CYFIP2: variants seen among roughly 807,000 people sequenced by gnomAD.
The protein encoded by CYFIP2 is cytoplasmic FMR1-interacting protein 2.
In CYFIP2, 29 loss-of-function variants were observed where a neutral mutation model predicts 158.7. That is an observed-to-expected ratio of 0.18 (90% CI 0.14 to 0.25). The LOEUF is 0.25. CYFIP2 is among the 10% of genes least tolerant of loss of function. The pLI, the probability that CYFIP2 is intolerant of heterozygous loss-of-function variation, is 1.00. For missense variants in CYFIP2, 852 were observed against 1,639.5 expected (o/e 0.52, Z 8.29); for synonymous variants, 585 against 617.6 (o/e 0.95, Z 0.78).
intron 7 of CYFIP2, chr5:157,303,099 C>T (rs1758915669): frequency 1.2e-5 from 6 of 509,928 alleles, no homozygotes; most frequent in Non-Finnish European, 1.8e-5. Context: ...TTGTCATGCT[C>T]GTGAAGCCCT....
chr5:157,377,850 A>T (rs1765638061), intron 26 of CYFIP2, among the ~76,000 whole-genome samples: 1 of 152,214 alleles, frequency 6.6e-6, no homozygotes, highest in Admixed American at 6.5e-5. Flanking sequence ...CCTCAAGAAG[A>T]TTCTCAATCA....
intron 5 of CYFIP2, among the ~76,000 whole-genome samples, chr5:157,299,945 A>G (rs1307270462): frequency 6.6e-6 from 1 of 152,158 alleles, no homozygotes; most frequent in Non-Finnish European, 1.5e-5. Context: ...AAATTCCTGA[A>G]GGCAGAATTT....
At chr5:157,336,062 G>A (rs6875509) in intron 21 of CYFIP2, among the ~76,000 whole-genome samples, 31,307 of 152,004 alleles carry the variant, frequency 0.21, 3,458 homozygotes, top group Middle Eastern at 0.26. Context: ...AGCGCTCTCC[G>A]ATGGGTCTGG....
At chr5:157,336,292 G>A (rs1235277003) in intron 21 of CYFIP2, among the ~76,000 whole-genome samples, 1 of 152,242 alleles carries the variant, frequency 6.6e-6, no homozygotes, top group East Asian at 1.9e-4. Context: ...CGATGCTGAA[G>A]TTGAGAACGG....
intron 28 of CYFIP2, chr5:157,384,276 C>CA (rs1766423765): frequency 2.2e-6 from 1 of 456,624 alleles, no homozygotes; most frequent in Admixed American, 2.4e-5. Flanking sequence ...AGCGGAGAAA[C>CA]AAAAGGCATG....
chr5:157,308,951 T>C (rs543057768), intron 9 of CYFIP2, among the ~76,000 whole-genome samples: 5 of 152,142 alleles, frequency 3.3e-5, no homozygotes, highest in Non-Finnish European at 7.4e-5. Context: ...GTTCCAAGTC[T>C]GAAAAATATG....
At position 157,324,093 on chromosome 5, in the gene CYFIP2, C is replaced by T. The variant is rs749276069; in HGVS notation, c.1825+19C>T. The T allele has an allele frequency of 6.3e-7, 1 of 1,598,276 alleles. No homozygotes were observed. The highest frequency in any genetic ancestry group is 8.5e-7 in the Non-Finnish European group (1 of 1,170,198). On this transcript the variant is annotated intron_variant, in intron 16 of 30. Transcript: ENST00000620254. ...ATCAGTGGTGAGCTGCATCCCATCCCTGCTAAGGCATGGGAGGAGGGGATG... is the reference window on the plus strand; with the variant it reads ...ATCAGTGGTGAGCTGCATCCCATCCTTGCTAAGGCATGGGAGGAGGGGATG...
intron 14 of CYFIP2, among the ~76,000 whole-genome samples, chr5:157,320,234 A>T (rs548662003): frequency 1.1e-4 from 17 of 152,368 alleles, no homozygotes; most frequent in African/African-American, 3.8e-4. Flanking sequence ...GAGATGGTCC[A>T]TATATAGACC....
intron 1 of CYFIP2, chr5:157,271,646 T>A (rs549800697): frequency 4.7e-4 from 72 of 152,328 alleles, no homozygotes; most frequent in African/African-American, 1.6e-3. Context: ...GGTTTGGACA[T>A]CATGGTTGAG....
At chr5:157,323,023 C>A (rs1213325613) in intron 15 of CYFIP2, 1 of 1,536,032 alleles carries the variant, frequency 6.5e-7, no homozygotes, top group Non-Finnish European at 8.7e-7. Context: ...CCTGGTATCA[C>A]ACCGCCTGGC....
chr5:157,343,780 A>G (rs1294136996), intron 23 of CYFIP2, among the ~76,000 whole-genome samples: 1 of 152,194 alleles, frequency 6.6e-6, no homozygotes, highest in Admixed American at 6.5e-5. Context: ...AGATGCACCC[A>G]TGCAATCCCA....
At chr5:157,387,128 C>T (rs749800452) in intron 28 of CYFIP2, among the ~76,000 whole-genome samples, 8 of 152,090 alleles carry the variant, frequency 5.3e-5, no homozygotes, top group Non-Finnish European at 1.2e-4. Context: ...TAATATGACT[C>T]AAATTGTTAA....
At chr5:157,364,266 A>T (rs1764158018) in intron 26 of CYFIP2, 1 of 149,956 alleles carries the variant, frequency 6.7e-6, no homozygotes, top group Non-Finnish European at 1.5e-5. Context: ...ACCTCTTTTC[A>T]TGAGGAACTG....
chr5:157,301,125 A>G (rs1309517849), intron 6 of CYFIP2, among the ~76,000 whole-genome samples: 1 of 152,194 alleles, frequency 6.6e-6, no homozygotes, highest in African/African-American at 2.4e-5. Context: ...ATATCTCAAG[A>G]TGGAATCAAA....
intron 5 of CYFIP2, among the ~76,000 whole-genome samples, chr5:157,299,241 C>T (rs935815527): frequency 2.6e-5 from 4 of 152,102 alleles, no homozygotes; most frequent in Admixed American, 2.6e-4. Context: ...CCCATGTCTC[C>T]CCAGCTCAAG....
intron 1 of CYFIP2, among the ~76,000 whole-genome samples, chr5:157,272,472 C>A (rs939036324): frequency 1.3e-5 from 2 of 152,152 alleles, no homozygotes; most frequent in African/African-American, 4.8e-5. Context: ...GTATTGAAAG[C>A]CTTATAATGA....
chr5:157,361,435 A>G lies in CYFIP2; in HGVS notation c.2909-33A>G, dbSNP rs201430815. 190 of 1,612,952 alleles carry G rather than the reference A, an allele frequency of 1.2e-4. No individual in the cohort carries two copies. Among genetic ancestry groups the G allele is most frequent in the Non-Finnish European group, 1.5e-4 (179 of 1,179,698 alleles). ...CCATAGACCCTACTGAGCAGTGTCAACTTCCCACTGACCACCCCGATTCAC... is the reference window on the plus strand; with the variant it reads ...CCATAGACCCTACTGAGCAGTGTCAGCTTCCCACTGACCACCCCGATTCAC... On this transcript the variant is annotated intron_variant, in intron 25 of 30. Transcript: ENST00000620254. This position sits in a 1 kb window ranked among gnomAD's most constrained non-coding sequence, Gnocchi z 4.4.
At chr5:157,370,045 T>C (rs548051043) in intron 26 of CYFIP2, among the ~76,000 whole-genome samples, 2 of 152,212 alleles carry the variant, frequency 1.3e-5, no homozygotes, top group African/African-American at 4.8e-5. Context: ...CATGCCTGGA[T>C]AATTTTTGTA....
chr5:157,319,714 T>A (rs1192603066), intron 13 of CYFIP2, 48 bp from the exon 14 acceptor site: 1 of 1,602,532 alleles, frequency 6.2e-7, no homozygotes, highest in Non-Finnish European at 8.5e-7. Flanking sequence ...AGTAGACAGC[T>A]GGTGTGCTGG....
Sources: gnomAD v4.1 joint callset for allele counts (sites outside exome capture counted in the v4.1 genomes callset) on GRCh38, gnomAD v4.1.1 for gene constraint, Gnocchi (gnomAD v3.1) non-coding constraint, MANE v1.5 for transcripts, NCBI Gene and HGNC (gene_info 2026-07-23, HGNC 2026-07-21) for gene names.